Variants in ZFC3H1 observed in about 807,000 individuals in gnomAD.
ZFC3H1 encodes zinc finger C3H1-type containing.
Under a neutral mutation model 243.7 loss-of-function variants are expected in ZFC3H1, and 71 were observed. The observed-to-expected ratio is 0.29, with a 90% confidence interval of 0.24 to 0.36. ZFC3H1 has a LOEUF of 0.36. Ranked by LOEUF, ZFC3H1 falls within the 10% of genes least tolerant of loss-of-function variation. The probability of loss-of-function intolerance (pLI) is 1.00; values close to 1 mark genes in which losing one functional copy is unlikely to be tolerated. For synonymous variants in ZFC3H1, 838 were observed against 813.0 expected (o/e 1.03, Z -0.52); for missense variants, 1,966 against 2,317.1 (o/e 0.85, Z 3.11).
intron 22 of ZFC3H1, among the ~76,000 whole-genome samples, chr12:71,625,736 G>C (rs1358003871): frequency 1.3e-5 from 2 of 152,114 alleles, no homozygotes; most frequent in Non-Finnish European, 2.9e-5. Flanking sequence ...GGAGAAAGAG[G>C]AAGAGGCCAT....
chr12:71,638,572 ATTAAGT>A (rs1880524911), intron 6 of ZFC3H1, 57 bp from the exon 7 acceptor site: 1 of 1,351,066 alleles, frequency 7.4e-7, no homozygotes, highest in Non-Finnish European at 1.0e-6. Context: ...TCAGGAATAT[ATTAAGT>A]TTATGTTATG....
chr12:71,613,453 G>C lies in ZFC3H1; in HGVS notation c.5527-18C>G. The C allele has an allele frequency of 6.5e-7, 1 of 1,540,032 alleles. No individual in the cohort carries two copies. Among genetic ancestry groups the C allele is most frequent in the South Asian group, 1.2e-5 (1 of 81,850 alleles). On this transcript the variant is annotated intron_variant, in intron 30 of 34. Coordinates refer to ENST00000378743, the MANE Select transcript of ZFC3H1 (RefSeq NM_144982.5). The stretch of plus-strand genomic sequence containing the variant: ...AAAATAACCTGTAAAGGTTGAGGGG[G>C]GCGAAAAATGAATGCAACCAAAATG...
chr12:71,647,766 C>G lies in ZFC3H1; in HGVS notation c.1063G>C (p.Asp355His). Residue 355 changes from aspartate to histidine, a missense_variant, in exon 3 of 35, where the codon GAT becomes CAT. Physicochemically the swap from Asp to His is moderately conservative, Grantham distance 81. Coordinates refer to ENST00000378743, the MANE Select transcript of ZFC3H1 (RefSeq NM_144982.5). ...TATCTTACCTTTTCAGACAGAATATCTGAGGTACTAATTCTTCTTGTTAAA... is the reference window on the plus strand; with the variant it reads ...TATCTTACCTTTTCAGACAGAATATGTGAGGTACTAATTCTTCTTGTTAAA... The part of the protein sequence containing the change: ...QNLTRRISTS[D>H]ILSEKKLGED... 6.8e-7 allele frequency: 1 copy of G among 1,480,288 alleles called. No individual in the cohort carries two copies. Among genetic ancestry groups the G allele is most frequent in the Non-Finnish European group, 9.2e-7 (1 of 1,087,492 alleles). The allele number at this position is 1,480,288 out of a possible 1,614,324, so 91.7% of individuals were successfully genotyped here. A position where few individuals can be genotyped will look rare whatever the true frequency, so the allele number is the denominator to read the frequency against.
chr12:71,656,379 A>G (rs955735083), intron 2 of ZFC3H1: 4 of 480,766 alleles, frequency 8.3e-6, no homozygotes, highest in Non-Finnish European at 1.5e-5. Flanking sequence ...ATTAAACGCA[A>G]GCATACAAGG....
At chr12:71,620,362 T>C (rs1233728699) in intron 24 of ZFC3H1, 47 bp from the exon 25 acceptor site, 1 of 1,589,412 alleles carries the variant, frequency 6.3e-7, no homozygotes, top group Non-Finnish European at 8.6e-7. Flanking sequence ...ATCATAAAAA[T>C]GAAATATTTG....
intron 24 of ZFC3H1, among the ~76,000 whole-genome samples, chr12:71,621,254 C>T (rs1465844293): frequency 6.6e-6 from 1 of 152,094 alleles, no homozygotes; most frequent in Non-Finnish European, 1.5e-5. Flanking sequence ...ATGTGAATAA[C>T]ACTCAAATCC....
chr12:71,663,090 G>C lies in ZFC3H1; in HGVS notation c.521C>G (p.Pro174Arg), dbSNP rs781184487. ...GERGGKPGCR[P>R]PLGGGAGSGF... The stretch of plus-strand genomic sequence containing the variant: ...GGATCCTGCTCCTCCTCCCAGAGGA[G>C]GTCTGCACCCCGGCTTGCCTCCTCG... The change falls in exon 1 of 35, where the codon CCT becomes CGT. Residue 174 changes from proline (P) to arginine (R), a missense_variant. Around this residue, in one of 4 missense-constraint regions of ZFC3H1, gnomAD observed 484 missense variants for 449.7 expected, o/e 1.08. Transcript: ENST00000378743. 3 of 1,613,946 alleles carry C rather than the reference G, an allele frequency of 1.9e-6. No individual in the cohort carries two copies. The highest frequency in any genetic ancestry group is 8.5e-7 in the Non-Finnish European group (1 of 1,180,040).
intron 28 of ZFC3H1, 93 bp from the exon 29 acceptor site, chr12:71,615,031 C>A: frequency 8.2e-7 from 1 of 1,225,064 alleles, no homozygotes; most frequent in Non-Finnish European, 1.2e-6. Flanking sequence ...GATGTTATTA[C>A]AATAGAATCC....
intron 22 of ZFC3H1, among the ~76,000 whole-genome samples, chr12:71,625,976 T>C (rs553432000): frequency 5.3e-5 from 8 of 152,224 alleles, no homozygotes; most frequent in African/African-American, 1.7e-4. Context: ...TGTGTAAAAA[T>C]AGGTAAGTGT....
chr12:71,661,635 C>G (rs1881180225), intron 1 of ZFC3H1, among the ~76,000 whole-genome samples: 1 of 152,000 alleles, frequency 6.6e-6, no homozygotes, highest in Non-Finnish European at 1.5e-5. Context: ...GCACCCAACA[C>G]CACGCCTGGC....
intron 19 of ZFC3H1, among the ~76,000 whole-genome samples, 189 bp from the exon 20 acceptor site, chr12:71,629,226 C>T (rs566216987): frequency 6.7e-6 from 1 of 149,042 alleles, no homozygotes; most frequent in Non-Finnish European, 1.5e-5. Context: ...AGTGCAGTGG[C>T]GCGATCTCAG....
chr12:71,647,936 A>G (rs1173853577), intron 2 of ZFC3H1, 123 bp from the exon 3 acceptor site: 2 of 404,288 alleles, frequency 4.9e-6, no homozygotes, highest in Non-Finnish European at 8.6e-6. Flanking sequence ...CATTTTCTCA[A>G]TCTCTCAACC....
intron 6 of ZFC3H1, among the ~76,000 whole-genome samples, chr12:71,642,233 A>G (rs181815238): frequency 9.8e-5 from 15 of 152,336 alleles, no homozygotes; most frequent in Admixed American, 9.8e-4. Flanking sequence ...GGCTATCTAG[A>G]AACACTCGGA....
chr12:71,629,184 T>G (rs1451598428), intron 19 of ZFC3H1, 147 bp from the exon 20 acceptor site: 3 of 731,990 alleles, frequency 4.1e-6, no homozygotes, highest in African/African-American at 1.8e-5. Flanking sequence ...GAGATGGAAG[T>G]CTCACTCTGT....
intron 1 of ZFC3H1, among the ~76,000 whole-genome samples, chr12:71,660,002 T>C (rs1003192378): frequency 1.8e-4 from 27 of 152,192 alleles, no homozygotes; most frequent in African/African-American, 6.3e-4. Context: ...AGAACTGCAA[T>C]TGAATCTAGT....
chr12:71,649,059 C>G (rs1305295591), intron 2 of ZFC3H1, among the ~76,000 whole-genome samples: 1 of 145,938 alleles, frequency 6.9e-6, no homozygotes, highest in Non-Finnish European at 1.5e-5. Flanking sequence ...CCACTGTACT[C>G]CATCCTGGGT....
At chr12:71,656,848 A>G in intron 2 of ZFC3H1, 37 bp downstream of exon 2, 1 of 1,557,812 alleles carries the variant, frequency 6.4e-7, no homozygotes, top group Non-Finnish European at 8.7e-7. Context: ...TTAGAGGAAG[A>G]AGAGTCATTA....
chr12:71,621,308 C>CTT (rs71068781), intron 24 of ZFC3H1, among the ~76,000 whole-genome samples: 3 of 145,202 alleles, frequency 2.1e-5, no homozygotes, highest in African/African-American at 7.6e-5. Flanking sequence ...ACTTCCTTTT[C>CTT]TTTTTTTTTT....
intron 3 of ZFC3H1, among the ~76,000 whole-genome samples, chr12:71,646,219 AC>A (rs1332555756): frequency 2.0e-5 from 3 of 152,200 alleles, no homozygotes; most frequent in Non-Finnish European, 4.4e-5. Flanking sequence ...CAAGACAGTT[AC>A]CTTTTCCACT....
Sources: gnomAD v4.1 joint callset for allele counts (sites outside exome capture counted in the v4.1 genomes callset) on GRCh38, gnomAD v4.1.1 for gene constraint, gnomAD v4.1.1 regional missense constraint, MANE v1.5 for transcripts, NCBI Gene and HGNC (gene_info 2026-07-23, HGNC 2026-07-21) for gene names.